SNX14: variants seen among roughly 807,000 people sequenced by gnomAD.
SNX14 encodes sorting nexin 14.
SNX14 carries 93 observed loss-of-function variants against 133.8 expected under a neutral mutation model. The observed-to-expected ratio is 0.70, with a 90% CI of 0.59 to 0.83. SNX14 has a LOEUF of 0.83. SNX14 is among the 40% of genes least tolerant of loss of function. The pLI is 0.00. For missense variants in SNX14, 945 were observed against 1,094.9 expected (o/e 0.86, Z 1.93); for synonymous variants, 368 against 365.6 (o/e 1.01, Z -0.07).
chr6:85,588,845 A>C (rs1205850636), intron 1 of SNX14: 1 of 454,122 alleles, frequency 2.2e-6, no homozygotes, highest in Non-Finnish European at 4.4e-6. Context: ...TATCATAAGG[A>C]AGAGAAAATA....
intron 26 of SNX14, among the ~76,000 whole-genome samples, chr6:85,509,665 T>C (rs1191658000): frequency 1.3e-5 from 2 of 152,186 alleles, no homozygotes; most frequent in Non-Finnish European, 2.9e-5. Context: ...ATAACACACA[T>C]TGGTACATCA....
At position 85,507,291 on chromosome 6, in the gene SNX14, T is replaced by C. The variant is rs1008167271; in HGVS notation, c.2746-2A>G. On this transcript the variant is annotated splice_acceptor_variant, in intron 27 of 28. Transcript: ENST00000314673. LOFTEE classifies it high-confidence loss of function. ...AATGTCCAATAAAACATAAGTCAGC[T>C]AAAGCACCAAAAAATAATAATAATA... is the stretch of plus-strand genomic sequence containing the variant. 6.2e-7 allele frequency: 1 copy of C among 1,605,032 alleles called. No individual in the cohort carries two copies. The highest frequency in any genetic ancestry group is 1.7e-5 in the Admixed American group (1 of 58,402).
chr6:85,514,383 T>C (rs1047843814), intron 24 of SNX14, 123 bp downstream of exon 24: 13 of 1,426,592 alleles, frequency 9.1e-6, no homozygotes, highest in Non-Finnish European at 1.2e-5. Context: ...TCGTATTGAA[T>C]TATTATAAAA....
At chr6:85,514,460 GAAGT>G (rs772105398) in intron 24 of SNX14, 42 bp downstream of exon 24, 307 of 1,595,664 alleles carry the variant, frequency 1.9e-4, no homozygotes, top group Non-Finnish European at 2.4e-4. Context: ...CATCACAGAA[GAAGT>G]AAGATGAATG....
At chr6:85,538,917 A>G in intron 15 of SNX14, 53 bp from the exon 16 acceptor site, 1 of 1,451,962 alleles carries the variant, frequency 6.9e-7, no homozygotes, top group South Asian at 1.3e-5. Context: ...AAGAAAGCCC[A>G]GATATTATAT....
At chr6:85,586,627 C>G (rs990128453) in intron 1 of SNX14, among the ~76,000 whole-genome samples, 1 of 152,042 alleles carries the variant, frequency 6.6e-6, no homozygotes, top group Non-Finnish European at 1.5e-5. Flanking sequence ...GTCACCCAGG[C>G]TGGAGTGTCG....
intron 9 of SNX14, 83 bp from the exon 10 acceptor site, chr6:85,547,633 G>T: frequency 8.5e-7 from 1 of 1,181,530 alleles, no homozygotes; most frequent in Non-Finnish European, 1.2e-6. Context: ...ATCATATTAT[G>T]TAAGTTTCTA....
rs564864096 is a variant in SNX14 at position 85,578,703 on chromosome 6, G to A, written c.141-4325C>T. The stretch of plus-strand genomic sequence containing the variant: ...GACTGGCTCTAAACTGCATCAGAAA[G>A]TAAACTAACAACAGAAGAGGGACAA... On this transcript the variant is annotated intron_variant, in intron 1 of 28. Coordinates refer to ENST00000314673, the MANE Select transcript of SNX14 (RefSeq NM_153816.6). Among the ~76,000 whole-genome samples the A allele has an allele frequency of 2.0e-5, 3 of 152,274 alleles. No homozygotes were observed. In the East Asian group the frequency reaches 5.8e-4, roughly 29 times the overall value.
chr6:85,569,424 A>G (rs1320694714), intron 4 of SNX14, among the ~76,000 whole-genome samples: 2 of 152,238 alleles, frequency 1.3e-5, no homozygotes, highest in Non-Finnish European at 1.5e-5. Context: ...AAACCTGAAT[A>G]TATGAAAATA....
At chr6:85,564,853 G>A (rs981407820) in intron 6 of SNX14, among the ~76,000 whole-genome samples, 2 of 151,962 alleles carry the variant, frequency 1.3e-5, no homozygotes, top group Non-Finnish European at 2.9e-5. Context: ...GCCGGGCGTG[G>A]TGGCATATTC....
chr6:85,578,858 G>A (rs182501828), intron 1 of SNX14, among the ~76,000 whole-genome samples: 77 of 152,214 alleles, frequency 5.1e-4, no homozygotes, highest in African/African-American at 1.6e-3. Flanking sequence ...AGAGGTAGCC[G>A]GGCGCAGTGG....
intron 7 of SNX14, among the ~76,000 whole-genome samples, chr6:85,553,786 C>CAAA (rs34112686): frequency 2.2e-5 from 3 of 136,444 alleles, no homozygotes; most frequent in Non-Finnish European, 4.7e-5. Context: ...ACTCCGTCTC[C>CAAA]AAAAAAAAAA....
At chr6:85,533,289 A>T (rs1780839372) in intron 18 of SNX14, among the ~76,000 whole-genome samples, 1 of 152,232 alleles carries the variant, frequency 6.6e-6, no homozygotes, top group Non-Finnish European at 1.5e-5. Flanking sequence ...GATTAATGAT[A>T]ATTAAGTAAG....
chr6:85,562,582 CTTTTTTT>C (rs201175458), intron 6 of SNX14, among the ~76,000 whole-genome samples: 13,088 of 94,890 alleles, frequency 0.14, 649 homozygotes, highest in Middle Eastern at 0.37. Flanking sequence ...ACTTTTTGGG[CTTTTTTT>C]TTTTTTTTTT....
chr6:85,513,074 T>G (rs930011648), intron 26 of SNX14, among the ~76,000 whole-genome samples: 3 of 152,236 alleles, frequency 2.0e-5, no homozygotes, highest in Non-Finnish European at 2.9e-5. Flanking sequence ...CTCCAACTTT[T>G]GAACCTCGGT....
intron 1 of SNX14, among the ~76,000 whole-genome samples, chr6:85,583,182 A>G (rs1432755796): frequency 6.6e-6 from 1 of 152,194 alleles, no homozygotes; most frequent in African/African-American, 2.4e-5. Flanking sequence ...ATAGATGCAG[A>G]AAAGGCCTTC....
chr6:85,505,569 G>A lies in SNX14; in HGVS notation c.*398C>T, dbSNP rs1770345552. 1.7e-5 allele frequency: 3 copies of A among 179,706 alleles called. No individual in the cohort carries two copies. Among genetic ancestry groups the A allele is most frequent in the South Asian group, 1.3e-4 (1 of 7,732 alleles). 11.1% of individuals were successfully genotyped at this position (179,706 alleles called of 1,614,324 possible). Reference sequence around the variant, plus strand: ...TAACTATGTACAAAATAAAAAAAAGGAAAACCAATCTACTAAAATATATTA... The same window carrying A: ...TAACTATGTACAAAATAAAAAAAAGAAAAACCAATCTACTAAAATATATTA... On this transcript the variant is annotated 3_prime_UTR_variant, in exon 29 of 29. Transcript: ENST00000314673.
chr6:85,579,287 T>A (rs1398081993), intron 1 of SNX14, among the ~76,000 whole-genome samples: 3 of 151,882 alleles, frequency 2.0e-5, no homozygotes, highest in Non-Finnish European at 4.4e-5. Flanking sequence ...CAGAGATAAC[T>A]GAAATGACAG....
chr6:85,557,543 G>A (rs1203404956), intron 7 of SNX14, among the ~76,000 whole-genome samples: 3 of 152,092 alleles, frequency 2.0e-5, no homozygotes, highest in Non-Finnish European at 4.4e-5. Context: ...AGATAGAAAA[G>A]GATTTAAATA....
Sources: allele counts gnomAD v4.1 joint callset (sites outside exome capture counted in the v4.1 genomes callset), GRCh38; gene constraint gnomAD v4.1.1; transcripts MANE v1.5; gene names NCBI Gene and HGNC (gene_info 2026-07-23, HGNC 2026-07-21).